PTPRJ: variants seen among roughly 807,000 people sequenced by gnomAD.
The protein encoded by PTPRJ is receptor-type tyrosine-protein phosphatase eta.
A neutral mutation model predicts 141.3 loss-of-function variants in PTPRJ; 129 were observed. The ratio of observed to expected loss-of-function variants is 0.91; its 90% CI spans 0.79 to 1.06. The LOEUF (loss-of-function observed/expected upper bound fraction) is 1.06, where lower values mean the gene tolerates loss of function less well. Ranked by LOEUF, PTPRJ falls within the 50% of genes least tolerant of loss-of-function variation. The pLI is 0.00. For synonymous variants in PTPRJ, 610 were observed against 640.5 expected (o/e 0.95, Z 0.72); for missense variants, 1,601 against 1,679.7 (o/e 0.95, Z 0.82).
Position 48,006,158 on chromosome 11 carries a change from T to C in PTPRJ, c.96+25150T>C, listed in dbSNP as rs1022009294. On this transcript the variant is annotated intron_variant, in intron 1 of 24. Coordinates refer to ENST00000418331, the MANE Select transcript of PTPRJ (RefSeq NM_002843.4). ...CAAGACTTCGAGTTAGGAGAGTGGG[T>C]TGGACTCTTGGTGCAGCCTATGTGA... is the stretch of plus-strand genomic sequence containing the variant. Among the ~76,000 whole-genome samples the C allele has an allele frequency of 2.6e-5, 4 of 152,300 alleles. No individual in the cohort carries two copies. In the East Asian group the frequency reaches 7.7e-4, roughly 29 times the overall value.
At chr11:48,127,683 G>A (rs933086285) in intron 6 of PTPRJ, 97 bp from the exon 7 acceptor site, 28 of 1,310,018 alleles carry the variant, frequency 2.1e-5, no homozygotes, top group Non-Finnish European at 2.8e-5. Context: ...CACTCCCCCA[G>A]GAGAGTTTGC....
At chr11:48,077,839 G>A (rs891651203) in intron 1 of PTPRJ, among the ~76,000 whole-genome samples, 2 of 152,166 alleles carry the variant, frequency 1.3e-5, no homozygotes, top group Admixed American at 6.5e-5. Flanking sequence ...CCAGCGATTT[G>A]TAACCTTGTG....
intron 1 of PTPRJ, among the ~76,000 whole-genome samples, chr11:48,096,270 G>T (rs1856003026): frequency 6.6e-6 from 1 of 152,206 alleles, no homozygotes; most frequent in Non-Finnish European, 1.5e-5. Context: ...TCTGCCAGGC[G>T]CTGGGGGTGG....
chr11:48,137,819 T>C (rs564666660), intron 10 of PTPRJ, among the ~76,000 whole-genome samples: 1 of 152,230 alleles, frequency 6.6e-6, no homozygotes, highest in Admixed American at 6.5e-5. Flanking sequence ...ATATCTGGCA[T>C]TGGTTTGTCT....
At chr11:48,143,912 T>G (rs1365338388) in intron 12 of PTPRJ, among the ~76,000 whole-genome samples, 8 of 150,112 alleles carry the variant, frequency 5.3e-5, no homozygotes, top group Non-Finnish European at 1.0e-4. Context: ...AGAGACAAGA[T>G]CTCACCATGT....
Position 47,980,863 on chromosome 11 carries a change from C to A in PTPRJ, c.-50C>A. On this transcript the variant is annotated 5_prime_UTR_variant, in exon 1 of 25. Transcript: ENST00000418331. ...ACGACGGTGCCCGGGCTCGGGCGCA[C>A]GGCGGGGCCCGATTCGCGCGTCCGG... 1 of 1,086,714 alleles carries A rather than the reference C, an allele frequency of 9.2e-7. No individual in the cohort carries two copies. Among genetic ancestry groups the A allele is most frequent in the Non-Finnish European group, 1.1e-6 (1 of 897,264 alleles). The allele number at this position is 1,086,714 out of a possible 1,614,324, so 67.3% of individuals were successfully genotyped here.
At chr11:48,132,589 T>C (rs1479149116) in intron 8 of PTPRJ, 2 of 960,388 alleles carry the variant, frequency 2.1e-6, no homozygotes, top group African/African-American at 1.8e-5. Context: ...ATATACCTAA[T>C]GTAAATGATG....
In PTPRJ at chr11:48,144,338, A is replaced by G. The variant is rs190825727; in HGVS notation, c.2576-337A>G. Among the ~76,000 whole-genome samples the G allele has an allele frequency of 1.5e-3, 224 of 152,314 alleles. 1 individual carries two copies. Among genetic ancestry groups the G allele is most frequent in the Middle Eastern group, 6.8e-3 (2 of 294 alleles). On this transcript the variant is annotated intron_variant, in intron 12 of 24. Transcript: ENST00000418331. ...ACCAGTGCTGGCCTGTGATTAGATGAAACCTTGGGCTCTGAGCCCGATGCC... is the reference window on the plus strand; with the variant it reads ...ACCAGTGCTGGCCTGTGATTAGATGGAACCTTGGGCTCTGAGCCCGATGCC...
chr11:48,022,075 T>G (rs200783179), intron 1 of PTPRJ, among the ~76,000 whole-genome samples: 2 of 152,184 alleles, frequency 1.3e-5, no homozygotes, highest in East Asian at 3.9e-4. Context: ...TAATAGAACC[T>G]GTGTCATTAC....
intron 1 of PTPRJ, among the ~76,000 whole-genome samples, chr11:47,996,747 C>G (rs1398855123): frequency 2.0e-5 from 3 of 152,336 alleles, no homozygotes; most frequent in Non-Finnish European, 2.9e-5. Context: ...TGCAGGTGTT[C>G]AAACAACTTT....
chr11:47,983,573 TC>T (rs565015722), intron 1 of PTPRJ, among the ~76,000 whole-genome samples: 284 of 152,300 alleles, frequency 1.9e-3, no homozygotes, highest in African/African-American at 6.7e-3. Flanking sequence ...GGCATCTCAT[TC>T]CCCTTTTCTA....
intron 1 of PTPRJ, among the ~76,000 whole-genome samples, chr11:48,053,398 GAT>G (rs1854652181): frequency 1.2e-5 from 1 of 85,556 alleles, no homozygotes; most frequent in South Asian, 2.8e-4. Context: ...AAAAATATAT[GAT>G]ATATAATATA....
chr11:48,020,618 C>T (rs907801264), intron 1 of PTPRJ, among the ~76,000 whole-genome samples: 1 of 152,130 alleles, frequency 6.6e-6, no homozygotes, highest in African/African-American at 2.4e-5. Context: ...GGCTCAGTTA[C>T]CCTAGGTGGG....
At chr11:48,042,821 C>T (rs180846948) in intron 1 of PTPRJ, among the ~76,000 whole-genome samples, 203 of 150,600 alleles carry the variant, frequency 1.3e-3, no homozygotes, top group Middle Eastern at 6.8e-3. Context: ...TAAGAGAGAG[C>T]GAGCTGGGTT....
At chr11:48,097,836 C>A (rs1175569009) in intron 1 of PTPRJ, among the ~76,000 whole-genome samples, 5 of 152,144 alleles carry the variant, frequency 3.3e-5, no homozygotes, top group African/African-American at 9.7e-5. Context: ...CCGCACCCGG[C>A]CTGAATTTTT....
intron 18 of PTPRJ, among the ~76,000 whole-genome samples, chr11:48,153,334 A>T (rs1383223465): frequency 6.6e-6 from 1 of 151,802 alleles, no homozygotes; most frequent in East Asian, 1.9e-4. Context: ...GGAGATCGAG[A>T]CCATCCTGGC....
chr11:48,032,717 C>CCATT, intron 1 of PTPRJ, among the ~76,000 whole-genome samples: 1 of 152,184 alleles, frequency 6.6e-6, no homozygotes, highest in Non-Finnish European at 1.5e-5. Context: ...CAAGATCATG[C>CCATT]CATTGCACTC....
At chr11:48,038,665 T>A (rs1590426846) in intron 1 of PTPRJ, among the ~76,000 whole-genome samples, 1 of 151,874 alleles carries the variant, frequency 6.6e-6, no homozygotes, top group Non-Finnish European at 1.5e-5. Context: ...CTAATTTTTG[T>A]ATTTTTAGTA....
rs777294739 is a variant in PTPRJ at position 48,127,805 on chromosome 11, C to T, written c.1119C>T (p.Thr373=). The part of the protein sequence containing the change: ...RTNAIQVFDV[T]AVNISATSLT... ...ATGCTATTCAGGTTTTTGACGTCACCGCTGTGAACATCAGTGCCACAAGCC... is the reference window on the plus strand; with the variant it reads ...ATGCTATTCAGGTTTTTGACGTCACTGCTGTGAACATCAGTGCCACAAGCC... The change falls in exon 7 of 25, where the codon ACC becomes ACT. Residue 373 remains threonine, a synonymous_variant. Transcript: ENST00000418331. 37 of 1,614,022 alleles carry T rather than the reference C, an allele frequency of 2.3e-5. No homozygotes were observed. The highest frequency in any genetic ancestry group is 1.1e-4 in the South Asian group (10 of 91,088).
Sources: allele counts gnomAD v4.1 joint callset (sites outside exome capture counted in the v4.1 genomes callset), GRCh38; gene constraint gnomAD v4.1.1; transcripts MANE v1.5; gene names NCBI Gene and HGNC (gene_info 2026-07-23, HGNC 2026-07-21).